KLHL33: variants seen among roughly 807,000 people sequenced by gnomAD.
KLHL33 encodes the protein kelch-like protein 33.
Under a neutral mutation model 60.8 loss-of-function variants are expected in KLHL33, and 46 were observed. The ratio of observed to expected loss-of-function variants is 0.76; its 90% CI spans 0.60 to 0.97. The LOEUF (loss-of-function observed/expected upper bound fraction) is 0.97. Ranked by LOEUF, KLHL33 falls within the 50% of genes least tolerant of loss-of-function variation. KLHL33 has a pLI of 0.00. For synonymous variants in KLHL33, 434 were observed against 432.2 expected, an observed-to-expected ratio of 1.00 and a Z score of -0.05; for missense variants, 1,055 against 1,000.0, an observed-to-expected ratio of 1.05 and a Z score of -0.74.
chr14:20,429,694 G>A, intron 3 of KLHL33, 25 bp from the exon 4 acceptor site: 1 of 1,546,962 alleles, frequency 6.5e-7, no homozygotes, highest in Non-Finnish European at 8.7e-7. Flanking sequence ...ACAAGAGATT[G>A]GAAGAGGGAC....
intron 2 of KLHL33, among the ~76,000 whole-genome samples, chr14:20,432,964 A>G (rs541427087): frequency 7.9e-5 from 12 of 151,548 alleles, no homozygotes; most frequent in African/African-American, 2.7e-4. Context: ...GAAAGAAAGA[A>G]AGAAAGAAAG....
At chr14:20,432,488 A>T (rs1239630905) in intron 2 of KLHL33, among the ~76,000 whole-genome samples, 1 of 151,964 alleles carries the variant, frequency 6.6e-6, no homozygotes, top group Non-Finnish European at 1.5e-5. Flanking sequence ...AGGAGGAAGG[A>T]CTGTACTAGA....
rs987090003 is a variant in KLHL33 at position 20,435,252 on chromosome 14, G to A, written c.560C>T (p.Ala187Val). Residue 187 changes from alanine to valine, a missense_variant, in exon 2 of 5, where the codon GCG becomes GTG. Ala to Val is a moderately conservative substitution (Grantham distance 64). Coordinates refer to ENST00000636854, the MANE Select transcript of KLHL33 (RefSeq NM_001365790.2). ...AGCCTTCACCCGGGGCGCTCCCAGC[G>A]CCTCTGCTGCGGCCAGCACATCCCC... ...SQGDVLAAAE[A>V]LGAPRVKAAA... The A allele has an allele frequency of 1.6e-6, 2 of 1,234,398 alleles. No homozygotes were observed. Among genetic ancestry groups the A allele is most frequent in the Non-Finnish European group, 2.0e-6 (2 of 988,206 alleles). 76.5% of individuals were successfully genotyped at this position (1,234,398 alleles called of 1,614,324 possible). A position where few individuals can be genotyped will look rare whatever the true frequency, so the allele number is the denominator to read the frequency against.
chr14:20,430,935 G>T (rs984656421), intron 2 of KLHL33, among the ~76,000 whole-genome samples: 4 of 152,200 alleles, frequency 2.6e-5, no homozygotes, highest in Non-Finnish European at 5.9e-5. Context: ...TGATTCAGCA[G>T]TTCTGGACGG....
At chr14:20,433,477 T>C (rs143116231) in intron 2 of KLHL33, among the ~76,000 whole-genome samples, 60 of 152,318 alleles carry the variant, frequency 3.9e-4, no homozygotes, top group African/African-American at 1.4e-3. Context: ...TAAACATCAA[T>C]GACAGATTTC....
In KLHL33 at chr14:20,432,925, A is replaced by AG. The variant is rs1470694935; in HGVS notation, c.748+2138_748+2139insC. On this transcript the variant is annotated intron_variant, in intron 2 of 4. Transcript: ENST00000636854. ...TGACAGAACAAGATTCCATCTCAAA[A>AG]AAAAGAAAGAAAGAAAGAAAGAAAG... Among the ~76,000 whole-genome samples the AG allele has an allele frequency of 1.8e-3, 263 of 149,720 alleles. 2 individuals are homozygous for AG. The highest frequency in any genetic ancestry group is 3.4e-3 in the Middle Eastern group (1 of 292).
In KLHL33 at chr14:20,426,611, G is replaced by A. The variant is rs1880280233; in HGVS notation, c.*2238C>T. ...ACTGTAAACTAGTTCAACCATTGTG[G>A]AAGTCAGTGTGGCGATTCCTCAGGG... On this transcript the variant is annotated 3_prime_UTR_variant, in exon 5 of 5. Coordinates refer to ENST00000636854, the MANE Select transcript of KLHL33 (RefSeq NM_001365790.2). The A allele has an allele frequency of 6.6e-6, 1 of 152,008 alleles. No individual in the cohort carries two copies. Among genetic ancestry groups the A allele is most frequent in the African/African-American group, 2.4e-5 (1 of 41,374 alleles). 9.4% of individuals were successfully genotyped at this position (152,008 alleles called of 1,614,324 possible). A position where few individuals can be genotyped will look rare whatever the true frequency, so the allele number is the denominator to read the frequency against.
Position 20,435,489 on chromosome 14 carries a change from T to C in KLHL33, c.323A>G (p.Glu108Gly), listed in dbSNP as rs1880661961. The part of the protein sequence containing the change: ...QFFAEAQRLR[E>G]QRLLLDEEVS... ...CTCTTCGTCCAGCAACAGTCTCTGC[T>C]CCCGCAGCCGCTGGGCCTCGGCGAA... The change falls in exon 2 of 5, where the codon GAG (glutamate) becomes GGG (glycine). Residue 108 changes from glutamate (E) to glycine (G), a missense_variant. Transcript: ENST00000636854. The C allele has an allele frequency of 7.3e-6, 9 of 1,234,536 alleles. No individual in the cohort carries two copies. Among genetic ancestry groups the C allele is most frequent in the Non-Finnish European group, 8.1e-6 (8 of 988,296 alleles). The allele number at this position is 1,234,536 out of a possible 1,614,324, so 76.5% of individuals were successfully genotyped here.
rs945012 is a variant in KLHL33 at position 20,427,487 on chromosome 14, T to C, written c.*1362A>G. 85,111 of 152,060 alleles carry C rather than the reference T, an allele frequency of 0.56. 23,888 individuals are homozygous for C. The highest frequency in any genetic ancestry group is 0.67 in the South Asian group (3,234 of 4,822). 9.4% of individuals were successfully genotyped at this position (152,060 alleles called of 1,614,324 possible). A position where few individuals can be genotyped will look rare whatever the true frequency, so the allele number is the denominator to read the frequency against. On this transcript the variant is annotated 3_prime_UTR_variant, in exon 5 of 5. Transcript: ENST00000636854. The stretch of plus-strand genomic sequence containing the variant: ...AACAGGGCATGGCATGCCCCACTTC[T>C]TTCTGTTTCAAATGCATTCCCCCTT...
Position 20,428,726 on chromosome 14 carries a change from C to T in KLHL33, c.*123G>A. The stretch of plus-strand genomic sequence containing the variant: ...AGATCATACGTACAAAAGCAGTTTA[C>T]AATGCACAGTGTGAGAATAAAATAC... On this transcript the variant is annotated 3_prime_UTR_variant, in exon 5 of 5. Coordinates refer to ENST00000636854, the MANE Select transcript of KLHL33 (RefSeq NM_001365790.2). 1 of 885,612 alleles carries T rather than the reference C, an allele frequency of 1.1e-6. No individual in the cohort carries two copies. The highest frequency in any genetic ancestry group is 1.8e-5 in the South Asian group (1 of 56,216). 54.9% of individuals were successfully genotyped at this position (885,612 alleles called of 1,614,324 possible).
In KLHL33 at chr14:20,435,584, C is replaced by A; in HGVS notation, c.228G>T (p.Glu76Asp). 8.1e-7 allele frequency: 1 copy of A among 1,234,728 alleles called. No individual in the cohort carries two copies. Among genetic ancestry groups the A allele is most frequent in the Non-Finnish European group, 1.0e-6 (1 of 988,370 alleles). The allele number at this position is 1,234,728 out of a possible 1,614,324, so 76.5% of individuals were successfully genotyped here. ...PFPALSLEEE[E>D]EEEEDEDAAE... is the part of the protein sequence containing the mutation. ...CCGCATCTTCATCTTCTTCCTCTTC[C>A]TCTTCTTCCTCTAGGGACAAGGCTG... Residue 76 changes from glutamate to aspartate, a missense_variant, in exon 2 of 5, where the codon GAG (glutamate) becomes GAT (aspartate). Glu to Asp is a conservative substitution (Grantham distance 45). Coordinates refer to ENST00000636854, the MANE Select transcript of KLHL33 (RefSeq NM_001365790.2).
At chr14:20,430,767 C>G in intron 2 of KLHL33, 48 bp from the exon 3 acceptor site, 1 of 1,312,810 alleles carries the variant, frequency 7.6e-7, no homozygotes, top group Non-Finnish European at 1.0e-6. Context: ...TATTGCAAGA[C>G]CGATAGGCAT....
chr14:20,428,783 C>T lies in KLHL33; in HGVS notation c.*66G>A. On this transcript the variant is annotated 3_prime_UTR_variant, in exon 5 of 5. Transcript: ENST00000636854. ...GAATAAAGCCTCTTTTCACTCCCCA[C>T]AATCTCTGTCCTTCTCTCAGGCTAT... 1 of 1,359,636 alleles carries T rather than the reference C, an allele frequency of 7.4e-7. No individual in the cohort carries two copies. The highest frequency in any genetic ancestry group is 1.0e-6 in the Non-Finnish European group (1 of 996,634). 84.2% of individuals were successfully genotyped at this position (1,359,636 alleles called of 1,614,324 possible). A position where few individuals can be genotyped will look rare whatever the true frequency, so the allele number is the denominator to read the frequency against.
intron 2 of KLHL33, among the ~76,000 whole-genome samples, chr14:20,434,542 GAAAA>G (rs5807035): frequency 1.4e-5 from 2 of 141,906 alleles, no homozygotes; most frequent in African/African-American, 2.6e-5. Context: ...TGCTGTCTCA[GAAAA>G]AAAAAAAAAA....
rs145598517 is a variant in KLHL33 at position 20,434,202 on chromosome 14, C to T, written c.748+862G>A. On this transcript the variant is annotated intron_variant, in intron 2 of 4. Transcript: ENST00000636854. Reference sequence around the variant, plus strand: ...TTAGTAGACTCCGAATAATACTCAACTTATGCAACCCTACTTAGCTTTCCT... The same window carrying T: ...TTAGTAGACTCCGAATAATACTCAATTTATGCAACCCTACTTAGCTTTCCT... Among the ~76,000 whole-genome samples the T allele has an allele frequency of 1.0e-3, 155 of 152,316 alleles. 1 individual carries two copies. The highest frequency in any genetic ancestry group is 1.5e-3 in the Admixed American group (23 of 15,304).
At position 20,428,588 on chromosome 14, in the gene KLHL33, C is replaced by G; in HGVS notation, c.*261G>C. The G allele has an allele frequency of 2.2e-6, 1 of 447,598 alleles. No individual in the cohort carries two copies. 27.7% of individuals were successfully genotyped at this position (447,598 alleles called of 1,614,324 possible). ...CTAGATGCCCTTTCCCTAAGAATCCCTAAGCCTTGTGGAGTTGCTCCCGAG... is the reference window on the plus strand; with the variant it reads ...CTAGATGCCCTTTCCCTAAGAATCCGTAAGCCTTGTGGAGTTGCTCCCGAG... On this transcript the variant is annotated 3_prime_UTR_variant, in exon 5 of 5. Transcript: ENST00000636854.
rs1297289352 is a variant in KLHL33 at position 20,430,186 on chromosome 14, A to G, written c.1282T>C (p.Phe428Leu). ...EAKALLRCVR[F>L]GRMSTRELRR... ...AACTCCCTGGTGGACATGCGGCCAAAGCGGACACATCGCAGCAGGGCCTTG... is the reference window on the plus strand; with the variant it reads ...AACTCCCTGGTGGACATGCGGCCAAGGCGGACACATCGCAGCAGGGCCTTG... The change falls in exon 3 of 5, where the codon TTT becomes CTT. Residue 428 changes from phenylalanine (F) to leucine (L), a missense_variant. Transcript: ENST00000636854. 6.4e-7 allele frequency: 1 copy of G among 1,551,468 alleles called. No individual in the cohort carries two copies. The highest frequency in any genetic ancestry group is 8.7e-7 in the Non-Finnish European group (1 of 1,146,970).
rs1231724000 is a variant in KLHL33 at position 20,429,384 on chromosome 14, G to A, written c.1859C>T (p.Pro620Leu). The change falls in exon 5 of 5, where the codon CCA (proline) becomes CTA (leucine). Residue 620 changes from proline (P) to leucine (L), a missense_variant. Pro to Leu is a moderately conservative substitution (Grantham distance 98, BLOSUM62 -3). Coordinates refer to ENST00000636854, the MANE Select transcript of KLHL33 (RefSeq NM_001365790.2). Reference sequence around the variant, plus strand: ...AGCTGCGTGGGCAAAACATGGTGCTGGAAGTGCAGGTGCTGGCCTAAGGGA... The same window carrying A: ...AGCTGCGTGGGCAAAACATGGTGCTAGAAGTGCAGGTGCTGGCCTAAGGGA... The part of the protein sequence containing the change: ...LNVWRPAPAL[P>L]APCFAHAAAI... The A allele has an allele frequency of 6.4e-7, 1 of 1,551,788 alleles. No homozygotes were observed.
intron 1 of KLHL33, 109 bp from the exon 2 acceptor site, chr14:20,435,939 A>G (rs888729501): frequency 1.5e-5 from 11 of 732,020 alleles, no homozygotes; most frequent in Non-Finnish European, 2.1e-5. Context: ...CTGCTCCAAC[A>G]CCCTCCTCCT....
Sources: gnomAD v4.1 joint callset for allele counts (sites outside exome capture counted in the v4.1 genomes callset) on GRCh38, gnomAD v4.1.1 for gene constraint, MANE v1.5 for transcripts, NCBI Gene and HGNC (gene_info 2026-07-23, HGNC 2026-07-21) for gene names.